The following IGSF21 variants were observed in gnomAD, a reference collection of about 807,000 sequenced individuals.
IGSF21 encodes the protein immunoglobin superfamily member 21.
Under a neutral mutation model 46.8 loss-of-function variants are expected in IGSF21, and 28 were observed. The observed-to-expected ratio is 0.60, with a 90% confidence interval of 0.44 to 0.82. IGSF21 has a LOEUF of 0.82. Among genes scored for constraint, IGSF21 ranks in the 40% least tolerant of loss-of-function variants. The probability of loss-of-function intolerance (pLI) is 0.00; values close to 1 mark genes in which losing one functional copy is unlikely to be tolerated. For missense variants in IGSF21, 624 were observed against 665.5 expected, an observed-to-expected ratio of 0.94 and a Z score of 0.69; for synonymous variants, 284 against 273.6, an observed-to-expected ratio of 1.04 and a Z score of -0.38.
chr1:18,174,992 G>T (rs1055976222), intron 1 of IGSF21, among the ~76,000 whole-genome samples: 8 of 152,222 alleles, frequency 5.3e-5, no homozygotes, highest in African/African-American at 1.9e-4. Flanking sequence ...AGGTGGGACC[G>T]TTCACTGCCA....
chr1:18,253,792 G>A (rs1010886638), intron 2 of IGSF21, among the ~76,000 whole-genome samples: 14 of 152,316 alleles, frequency 9.2e-5, no homozygotes, highest in South Asian at 2.1e-4. Context: ...TTCCTAGAAG[G>A]CTCCAGAGAG....
At chr1:18,245,347 TG>T in intron 2 of IGSF21, among the ~76,000 whole-genome samples, 1 of 152,360 alleles carries the variant, frequency 6.6e-6, no homozygotes, top group South Asian at 2.1e-4. Context: ...ATTATGTTGA[TG>T]TTTTTCCTAA....
At chr1:18,369,145 G>A (rs1410311080) in intron 6 of IGSF21, among the ~76,000 whole-genome samples, 2 of 152,192 alleles carry the variant, frequency 1.3e-5, no homozygotes, top group African/African-American at 2.4e-5. Flanking sequence ...CCACCAAGAT[G>A]AAGGGCCCTA....
chr1:18,146,202 C>T (rs1196742480), intron 1 of IGSF21, among the ~76,000 whole-genome samples: 5 of 152,146 alleles, frequency 3.3e-5, no homozygotes, highest in Admixed American at 1.3e-4. Flanking sequence ...CATTAGTTTC[C>T]GAATTTCTTG....
intron 1 of IGSF21, chr1:18,115,457 G>C (rs146670910): frequency 2.0e-5 from 3 of 152,382 alleles, no homozygotes; most frequent in Non-Finnish European, 4.4e-5. Flanking sequence ...TGAGCACATA[G>C]ATCCTGAAGA....
chr1:18,265,168 G>A (rs779079054), intron 2 of IGSF21, among the ~76,000 whole-genome samples: 5 of 152,206 alleles, frequency 3.3e-5, no homozygotes, highest in Admixed American at 1.3e-4. Context: ...AGCCTGGGTC[G>A]ATGGGAGGAT....
At chr1:18,370,777 T>G (rs1259507894) in intron 6 of IGSF21, among the ~76,000 whole-genome samples, 3 of 152,254 alleles carry the variant, frequency 2.0e-5, no homozygotes, top group East Asian at 1.9e-4. Flanking sequence ...ACTACCCAAT[T>G]TTTTAAAAAA....
intron 1 of IGSF21, among the ~76,000 whole-genome samples, chr1:18,187,530 C>T (rs115528655): frequency 0.038 from 5,849 of 152,192 alleles, 167 homozygotes; most frequent in Non-Finnish European, 0.059. Flanking sequence ...TCAAATTTCA[C>T]GAGACTTAAT....
chr1:18,115,838 G>GAAGGAAGGAAGA (rs1553146702), intron 1 of IGSF21: 63 of 100,472 alleles, frequency 6.3e-4, no homozygotes, highest in African/African-American at 2.6e-3. Flanking sequence ...AGGAAGGAAG[G>GAAGGAAGGAAGA]AAGGAAGAAA....
rs1009401006 is a variant in IGSF21, at chr1:18,109,631, G to C, written c.70+1433G>C. On this transcript the variant is annotated intron_variant, in intron 1 of 9. Transcript: ENST00000251296. This position sits in a 1 kb window ranked among gnomAD's most constrained non-coding sequence, Gnocchi z 4.8. ...CCGGAAGGTGGTCCTGACAGCGAGG[G>C]GGGAGGGGTTGGTGTAACCCAGAAG... 6 of 152,444 alleles carry C rather than the reference G, an allele frequency of 3.9e-5. No homozygotes were observed. The highest frequency in any genetic ancestry group is 1.4e-4 in the African/African-American group (6 of 41,450). The allele number at this position is 152,444 out of a possible 1,614,324, so 9.4% of individuals were successfully genotyped here. A position where few individuals can be genotyped will look rare whatever the true frequency, so the allele number is the denominator to read the frequency against.
chr1:18,188,579 C>T (rs1189318837), intron 1 of IGSF21, among the ~76,000 whole-genome samples: 1 of 152,078 alleles, frequency 6.6e-6, no homozygotes, highest in Admixed American at 6.5e-5. Context: ...AGGTTGTCAG[C>T]GTGAGGGAAG....
chr1:18,315,577 G>GGATGGA (rs1557639960), intron 3 of IGSF21, among the ~76,000 whole-genome samples: 19 of 23,840 alleles, frequency 8.0e-4, no homozygotes, highest in African/African-American at 1.8e-3. Context: ...GGATGGATGG[G>GGATGGA]TGGATGGGTA....
chr1:18,363,695 G>C (rs2086128229), intron 5 of IGSF21, among the ~76,000 whole-genome samples: 1 of 151,712 alleles, frequency 6.6e-6, no homozygotes, highest in African/African-American at 2.4e-5. Context: ...GTGGGGCAGT[G>C]GGCAGAGGTG....
At chr1:18,206,406 G>T (rs143424694) in intron 1 of IGSF21, among the ~76,000 whole-genome samples, 41 of 152,196 alleles carry the variant, frequency 2.7e-4, no homozygotes, top group African/African-American at 9.2e-4. Flanking sequence ...AAAATTAATT[G>T]GGTGTGGTGG....
chr1:18,169,189 G>A (rs944187581), intron 1 of IGSF21, among the ~76,000 whole-genome samples: 10 of 152,252 alleles, frequency 6.6e-5, no homozygotes, highest in African/African-American at 1.9e-4. Context: ...AATGGCCCAG[G>A]CAGAGACTCC....
Position 18,376,988 on chromosome 1 carries a change from G to A in IGSF21, c.1290G>A (p.Val430=), listed in dbSNP as rs751483643. The A allele has an allele frequency of 2.5e-6, 4 of 1,590,192 alleles. No homozygotes were observed. Among genetic ancestry groups the A allele is most frequent in the Non-Finnish European group, 3.4e-6 (4 of 1,162,148 alleles). ...GSTDTHTRLI[V]FENPNIPRGT... ...CCGACACGCACACCCGGCTCATCGT[G>A]TTTGGTATGGCGCGCTCAACTGGGG... Residue 430 remains valine (V), a synonymous_variant, in exon 8 of 10, where the codon GTG becomes GTA. Transcript: ENST00000251296.
chr1:18,280,988 G>GC (rs1333748983), intron 2 of IGSF21, among the ~76,000 whole-genome samples: 1 of 152,198 alleles, frequency 6.6e-6, no homozygotes, highest in East Asian at 1.9e-4. Flanking sequence ...GCAGCCTGCT[G>GC]CTGAGCGAGC....
intron 1 of IGSF21, among the ~76,000 whole-genome samples, chr1:18,144,544 C>T (rs987549250): frequency 2.0e-5 from 3 of 152,168 alleles, no homozygotes; most frequent in Non-Finnish European, 2.9e-5. Context: ...GGTCCGGAAC[C>T]CTCTGGAAGC....
At chr1:18,267,920 A>G (rs1008767864) in intron 2 of IGSF21, among the ~76,000 whole-genome samples, 1 of 152,256 alleles carries the variant, frequency 6.6e-6, no homozygotes, top group African/African-American at 2.4e-5. Context: ...GACCCAGAAC[A>G]TTTGGCCCAT....
Sources: allele counts gnomAD v4.1 joint callset (sites outside exome capture counted in the v4.1 genomes callset), GRCh38; gene constraint gnomAD v4.1.1; non-coding constraint Gnocchi (gnomAD v3.1); transcripts MANE v1.5; gene names NCBI Gene and HGNC (gene_info 2026-07-23, HGNC 2026-07-21).